Variants in RTRAF observed in about 807,000 individuals in gnomAD.
RTRAF encodes the protein tRNA-splicing ligase complex subunit RTRAF.
In RTRAF, 14 loss-of-function variants were observed where a neutral mutation model predicts 34.4. The observed-to-expected ratio is 0.41, with a 90% CI of 0.27 to 0.64. The LOEUF (loss-of-function observed/expected upper bound fraction) is 0.64, where lower values mean the gene tolerates loss of function less well. Among genes scored for constraint, RTRAF ranks in the 30% least tolerant of loss-of-function variants. The probability of loss-of-function intolerance (pLI) is 0.34; values close to 1 mark genes in which losing one functional copy is unlikely to be tolerated. For synonymous variants in RTRAF, 96 were observed against 95.3 expected (o/e 1.01, Z -0.04); for missense variants, 291 against 288.4 (o/e 1.01, Z -0.06).
intron 5 of RTRAF, among the ~76,000 whole-genome samples, chr14:52,001,185 A>T (rs529080637): frequency 6.6e-6 from 1 of 152,100 alleles, no homozygotes; most frequent in African/African-American, 2.4e-5. Context: ...CTTATTTTTG[A>T]GTTGTAATTG....
chr14:52,001,452 G>C (rs1238669049), intron 5 of RTRAF, among the ~76,000 whole-genome samples: 1 of 152,140 alleles, frequency 6.6e-6, no homozygotes, highest in Non-Finnish European at 1.5e-5. Flanking sequence ...TTTAGTGAGG[G>C]TAAGGAATCT....
Position 51,998,545 on chromosome 14 carries a change from C to T in RTRAF, c.338C>T (p.Ala113Val). The T allele has an allele frequency of 6.3e-7, 1 of 1,591,268 alleles. No homozygotes were observed. The highest frequency in any genetic ancestry group is 8.6e-7 in the Non-Finnish European group (1 of 1,168,538). Reference sequence around the variant, plus strand: ...GATAATTCAAAAACTGCTGACAATGCAACTAAAAATGCAGAACCATTGATC... The same window carrying T: ...GATAATTCAAAAACTGCTGACAATGTAACTAAAAATGCAGAACCATTGATC... Reference protein sequence around the residue: ...VPDNSKTADNATKNAEPLINL... With the variant: ...VPDNSKTADNVTKNAEPLINL... Residue 113 changes from alanine (A) to valine (V), a missense_variant, in exon 4 of 8, where the codon GCA becomes GTA. Ala to Val is a moderately conservative substitution (Grantham distance 64). Transcript: ENST00000261700.
intron 1 of RTRAF, among the ~76,000 whole-genome samples, chr14:51,990,092 G>A (rs1332319056): frequency 6.6e-6 from 1 of 152,176 alleles, no homozygotes; most frequent in Non-Finnish European, 1.5e-5. Flanking sequence ...GGAAGGTGCT[G>A]AGTAACTTGA....
chr14:52,003,413 C>T (rs1053807343), intron 6 of RTRAF, among the ~76,000 whole-genome samples: 5 of 152,084 alleles, frequency 3.3e-5, no homozygotes, highest in East Asian at 1.9e-4. Context: ...ACAGAGCCTA[C>T]GTAGATTTAC....
Position 52,005,410 on chromosome 14 carries a change from T to C in RTRAF, c.*894T>C. 1 of 1,395,876 alleles carries C rather than the reference T, an allele frequency of 7.2e-7. No homozygotes were observed. The highest frequency in any genetic ancestry group is 9.6e-7 in the Non-Finnish European group (1 of 1,044,800). 86.5% of individuals were successfully genotyped at this position (1,395,876 alleles called of 1,614,324 possible). On this transcript the variant is annotated 3_prime_UTR_variant, in exon 8 of 8. Coordinates refer to ENST00000261700, the MANE Select transcript of RTRAF (RefSeq NM_016039.3). ...AATGGCCAATTCCTTTTTTACTTTC[T>C]TTGCCTTTGCAGTCACTGTTCTTTA...
intron 3 of RTRAF, 118 bp downstream of exon 3, chr14:51,993,940 C>A: frequency 1.7e-6 from 1 of 581,174 alleles, no homozygotes; most frequent in East Asian, 3.2e-5. Flanking sequence ...TTGGTTTATT[C>A]TTATCACAAG....
intron 6 of RTRAF, among the ~76,000 whole-genome samples, chr14:52,002,301 A>C (rs1594988290): frequency 6.6e-6 from 1 of 152,160 alleles, no homozygotes; most frequent in South Asian, 2.1e-4. Flanking sequence ...GTTTTATTCA[A>C]TTTCCTGGCA....
In RTRAF at chr14:51,993,730, G is replaced by A; in HGVS notation, c.194G>A (p.Arg65Lys). 1 of 1,587,158 alleles carries A rather than the reference G, an allele frequency of 6.3e-7. No individual in the cohort carries two copies. The highest frequency in any genetic ancestry group is 1.4e-5 in the African/African-American group (1 of 74,014). ...DWPKFFEKYL[R>K]DVNCPFKIQD... ...TTTTCTTCCCCCTCACAGTATCTCA[G>A]AGATGTTAACTGTCCTTTCAAGATT... The change falls in exon 3 of 8, where the codon AGA (arginine) becomes AAA (lysine). Residue 65 changes from arginine to lysine, a missense_variant. Transcript: ENST00000261700.
chr14:52,004,544 ACTTAGTACAG>A lies in RTRAF; in HGVS notation c.*29_*38del. The A allele has an allele frequency of 6.3e-7, 1 of 1,592,424 alleles. No homozygotes were observed. The highest frequency in any genetic ancestry group is 8.6e-7 in the Non-Finnish European group (1 of 1,168,368). On this transcript the variant is annotated 3_prime_UTR_variant, in exon 8 of 8. Transcript: ENST00000261700. ...ACTTGAGGACTTCAGCTTCTCACCT[ACTTAGTACAG>A]TTGGGAACCATACACTTCTGGCATG...
chr14:51,993,071 A>C (rs572349716), intron 2 of RTRAF, among the ~76,000 whole-genome samples: 1 of 152,182 alleles, frequency 6.6e-6, no homozygotes, highest in South Asian at 2.1e-4. Flanking sequence ...ATATATGTAC[A>C]TATACACACA....
chr14:52,004,097 A>G, intron 6 of RTRAF, 97 bp from the exon 7 acceptor site: 1 of 1,045,758 alleles, frequency 9.6e-7, no homozygotes, highest in Non-Finnish European at 1.4e-6. Context: ...TAAAAGAGTT[A>G]AGACACCAGA....
Position 52,006,664 on chromosome 14 carries a change from T to A in RTRAF, c.*2148T>A. On this transcript the variant is annotated 3_prime_UTR_variant, in exon 8 of 8. Coordinates refer to ENST00000261700, the MANE Select transcript of RTRAF (RefSeq NM_016039.3). ...GTACACTCCAGTTTTTTGGTTCCTT[T>A]TAAAACAAAGGGGGAAAATGAGGTC... is the stretch of plus-strand genomic sequence containing the variant. 2 of 1,613,236 alleles carry A rather than the reference T, an allele frequency of 1.2e-6. No homozygotes were observed. Among genetic ancestry groups the A allele is most frequent in the South Asian group, 2.2e-5 (2 of 91,012 alleles).
intron 4 of RTRAF, 77 bp from the exon 5 acceptor site, chr14:51,999,631 T>A (rs1416924706): frequency 1.4e-5 from 14 of 1,030,808 alleles, no homozygotes; most frequent in Non-Finnish European, 1.9e-5. Context: ...TAAAAATGTT[T>A]TTGTATGTTC....
chr14:51,992,568 ATTC>A (rs1890449729), intron 2 of RTRAF, among the ~76,000 whole-genome samples: 1 of 152,208 alleles, frequency 6.6e-6, no homozygotes, highest in South Asian at 2.1e-4. Context: ...ATACTACTGT[ATTC>A]TTTTCCTTTG....
intron 3 of RTRAF, among the ~76,000 whole-genome samples, chr14:51,994,819 C>A (rs1253681): frequency 6.6e-6 from 1 of 152,134 alleles, no homozygotes; most frequent in Non-Finnish European, 1.5e-5. Context: ...AACCTGTATT[C>A]ACATCTTGAC....
intron 2 of RTRAF, 57 bp downstream of exon 2, chr14:51,991,498 G>A: frequency 6.5e-7 from 1 of 1,529,794 alleles, no homozygotes; most frequent in African/African-American, 1.4e-5. Flanking sequence ...AAATCATGAA[G>A]ATGAGCTTAA....
Position 51,989,559 on chromosome 14 carries a change from G to GCCGGTGCCTGCGCCTC in RTRAF, c.-77_-62dup. ...CGCCTGCCCGCCCTCTCGCCGCGTC[G>GCCGGTGCCTGCGCCTC]CCGGTGCCTGCGCCTCCCGCTCCAC... On this transcript the variant is annotated 5_prime_UTR_variant, in exon 1 of 8. Transcript: ENST00000261700. 6.9e-7 allele frequency: 1 copy of GCCGGTGCCTGCGCCTC among 1,456,526 alleles called. No homozygotes were observed. Among genetic ancestry groups the GCCGGTGCCTGCGCCTC allele is most frequent in the Middle Eastern group, 1.7e-4 (1 of 5,744 alleles). 90.2% of individuals were successfully genotyped at this position (1,456,526 alleles called of 1,614,324 possible). A position where few individuals can be genotyped will look rare whatever the true frequency, so the allele number is the denominator to read the frequency against.
At chr14:52,002,846 A>G (rs986032452) in intron 6 of RTRAF, among the ~76,000 whole-genome samples, 5 of 152,214 alleles carry the variant, frequency 3.3e-5, no homozygotes, top group Non-Finnish European at 2.9e-5. Context: ...TACTAATGCC[A>G]GGGCAGTATC....
intron 3 of RTRAF, among the ~76,000 whole-genome samples, chr14:51,994,074 G>T (rs1890478727): frequency 6.6e-6 from 1 of 152,190 alleles, no homozygotes; most frequent in Admixed American, 6.5e-5. Flanking sequence ...TGATAATATG[G>T]TCTGCACCTT....
Sources: gnomAD v4.1 joint callset for allele counts (sites outside exome capture counted in the v4.1 genomes callset) on GRCh38, gnomAD v4.1.1 for gene constraint, MANE v1.5 for transcripts, NCBI Gene and HGNC (gene_info 2026-07-23, HGNC 2026-07-21) for gene names.